Variants in ATP2C1 observed in about 807,000 individuals in gnomAD.
ATP2C1 encodes the protein calcium-transporting ATPase type 2C member 1.
A neutral mutation model predicts 120.5 loss-of-function variants in ATP2C1; 31 were observed. The observed-to-expected ratio is 0.26, with a 90% CI of 0.19 to 0.35. ATP2C1 has a LOEUF of 0.35. ATP2C1 is among the 10% of genes least tolerant of loss of function. The pLI, the probability that ATP2C1 is intolerant of heterozygous loss-of-function variation, is 1.00. For missense variants in ATP2C1, 731 were observed against 1,107.5 expected (o/e 0.66, Z 4.83); for synonymous variants, 351 against 358.7 (o/e 0.98, Z 0.24).
chr3:130,952,760 T>A (rs780728219), intron 8 of ATP2C1, among the ~76,000 whole-genome samples: 31 of 152,198 alleles, frequency 2.0e-4, no homozygotes, highest in Non-Finnish European at 4.1e-4. Flanking sequence ...CTAAGGACCC[T>A]TGAATAAATG....
intron 20 of ATP2C1, among the ~76,000 whole-genome samples, chr3:130,983,679 G>A (rs889400074): frequency 2.0e-5 from 3 of 152,242 alleles, no homozygotes; most frequent in Admixed American, 2.0e-4. Context: ...TCCCCACTCC[G>A]CTTGAATCCT....
intron 1 of ATP2C1, among the ~76,000 whole-genome samples, chr3:130,888,206 G>A (rs2069044708): frequency 6.6e-6 from 1 of 151,768 alleles, no homozygotes. Context: ...TATGCAAGAT[G>A]CAAAACAAAG....
intron 12 of ATP2C1, among the ~76,000 whole-genome samples, chr3:130,962,427 G>T (rs1003147565): frequency 6.6e-6 from 1 of 151,792 alleles, no homozygotes; most frequent in East Asian, 1.9e-4. Context: ...AATATTTTTT[G>T]AAATCTGAAA....
At position 130,941,817 on chromosome 3, in the gene ATP2C1, T is replaced by C. The variant is rs1163604265; in HGVS notation, c.531+118T>C. Reference sequence around the variant, plus strand: ...ATTTGAACCATTTGGTATTCTACTTTAAAATGTGACATATATAAACTTTTT... The same window carrying C: ...ATTTGAACCATTTGGTATTCTACTTCAAAATGTGACATATATAAACTTTTT... On this transcript the variant is annotated intron_variant, in intron 8 of 27. Transcript: ENST00000510168. 3.3e-6 allele frequency: 3 copies of C among 906,212 alleles called. No homozygotes were observed. The African/African-American group carries it at 5.0e-5, about 15-fold the overall frequency. 56.1% of individuals were successfully genotyped at this position (906,212 alleles called of 1,614,324 possible). A position where few individuals can be genotyped will look rare whatever the true frequency, so the allele number is the denominator to read the frequency against.
chr3:130,941,107 G>C (rs1171120115), intron 7 of ATP2C1, among the ~76,000 whole-genome samples: 1 of 151,740 alleles, frequency 6.6e-6, no homozygotes, highest in Non-Finnish European at 1.5e-5. Context: ...AGTAGAGACA[G>C]GTTTCACCAT....
intron 1 of ATP2C1, among the ~76,000 whole-genome samples, chr3:130,872,310 A>G (rs989055209): frequency 1.1e-4 from 17 of 152,074 alleles, no homozygotes; most frequent in Non-Finnish European, 2.1e-4. Flanking sequence ...AATTATAAAG[A>G]CTCTGAATAA....
At chr3:130,850,632 T>C in exon 1 of ATP2C1, 3 of 419,948 alleles carry the variant, frequency 7.1e-6, no homozygotes, top group Non-Finnish European at 1.3e-5. Context: ...TGTTCATACT[T>C]GGCTGTCTGG....
chr3:130,998,231 AAGC>A, intron 25 of ATP2C1, 60 bp from the exon 26 acceptor site: 1 of 1,088,426 alleles, frequency 9.2e-7, no homozygotes, highest in Non-Finnish European at 1.4e-6. Flanking sequence ...ATTTTTTAAA[AAGC>A]AGCGATTTAT....
rs974737925 is a variant in ATP2C1 at position 130,901,307 on chromosome 3, C to T, written c.6+6532C>T. Among the ~76,000 whole-genome samples the T allele has an allele frequency of 3.9e-4, 59 of 152,062 alleles. 1 individual carries two copies. Among genetic ancestry groups the T allele is most frequent in the African/African-American group, 1.4e-3 (56 of 41,410 alleles). ...TGGGGACTGCTCTGAAGTCTGCCAGCCCTCTATCCTAAAAGTTGGTAGATC... is the reference window on the plus strand; with the variant it reads ...TGGGGACTGCTCTGAAGTCTGCCAGTCCTCTATCCTAAAAGTTGGTAGATC... On this transcript the variant is annotated intron_variant, in intron 2 of 27. Coordinates refer to ENST00000510168, the MANE Select transcript of ATP2C1 (RefSeq NM_001378687.1).
intron 16 of ATP2C1, among the ~76,000 whole-genome samples, chr3:130,968,278 A>T (rs1348314806): frequency 6.6e-6 from 1 of 152,230 alleles, no homozygotes; most frequent in African/African-American, 2.4e-5. Context: ...TGTTATGCTT[A>T]TAAAGATATT....
At chr3:131,006,013 G>A (rs949514750), downstream of ATP2C1, among the ~76,000 whole-genome samples, 6 of 152,260 alleles carry the variant, frequency 3.9e-5, no homozygotes, top group Non-Finnish European at 7.4e-5. Flanking sequence ...GGTATGCCAC[G>A]TAAGGAAACC....
chr3:130,927,018 C>T (rs1483941926), intron 2 of ATP2C1, among the ~76,000 whole-genome samples: 2 of 152,176 alleles, frequency 1.3e-5, no homozygotes, highest in Non-Finnish European at 2.9e-5. Context: ...GTCTGCTTGC[C>T]ACATCAGATC....
chr3:130,975,272 T>C, intron 17 of ATP2C1, 60 bp from the exon 18 acceptor site: 3 of 1,557,394 alleles, frequency 1.9e-6, no homozygotes, highest in Non-Finnish European at 2.7e-6. Context: ...AATTTTGGAC[T>C]CCAATGGCAG....
Position 130,955,214 on chromosome 3 carries a change from T to G in ATP2C1, c.756+134T>G. 4.3e-6 allele frequency: 3 copies of G among 703,916 alleles called. No homozygotes were observed. In the South Asian group the frequency reaches 4.9e-5, roughly 11 times the overall value. The allele number at this position is 703,916 out of a possible 1,614,324, so 43.6% of individuals were successfully genotyped here. ...AGAATGGAAATCAGTTGTCTCTGTT[T>G]AGAAACATAATTGGAAAGCCTGTAA... On this transcript the variant is annotated intron_variant, in intron 10 of 27. Transcript: ENST00000510168.
intron 1 of ATP2C1, among the ~76,000 whole-genome samples, chr3:130,861,882 AC>A: frequency 6.6e-6 from 1 of 152,104 alleles, no homozygotes; most frequent in Non-Finnish European, 1.5e-5. Context: ...TAATGAATAC[AC>A]CCTAAATGTT....
At chr3:130,985,108 G>A (rs527727723) in intron 20 of ATP2C1, among the ~76,000 whole-genome samples, 1 of 152,330 alleles carries the variant, frequency 6.6e-6, no homozygotes, top group South Asian at 2.1e-4. Flanking sequence ...TATTGAGGAA[G>A]TTTCAACATT....
chr3:130,903,308 A>T lies in ATP2C1; in HGVS notation c.6+8533A>T, dbSNP rs1177324102. ...CAGAGTACATTTTGTGACAGCAAAT[A>T]AATTATCGGTTAACTTAACCCTATA... On this transcript the variant is annotated intron_variant, in intron 2 of 27. Coordinates refer to ENST00000510168, the MANE Select transcript of ATP2C1 (RefSeq NM_001378687.1). 2.6e-5 allele frequency among the ~76,000 whole-genome samples: 4 copies of T among 152,100 alleles called. No individual in the cohort carries two copies. The South Asian group carries it at 8.3e-4, about 31-fold the overall frequency.
In ATP2C1 at chr3:130,941,710, G is replaced by C; in HGVS notation, c.531+11G>C. 6.3e-7 allele frequency: 1 copy of C among 1,594,302 alleles called. No individual in the cohort carries two copies. Among genetic ancestry groups the C allele is most frequent in the Non-Finnish European group, 8.6e-7 (1 of 1,162,048 alleles). On this transcript the variant is annotated intron_variant, in intron 8 of 27. Coordinates refer to ENST00000510168, the MANE Select transcript of ATP2C1 (RefSeq NM_001378687.1). ...TTACGCTTGTTTGAGGTAAATTTGG[G>C]ATCTGATTGTAATAAGTGAAAATAC...
chr3:130,880,749 G>T (rs2068755936), intron 1 of ATP2C1, among the ~76,000 whole-genome samples: 1 of 152,160 alleles, frequency 6.6e-6, no homozygotes, highest in African/African-American at 2.4e-5. Context: ...CCCATAGTAT[G>T]CTCAGTGGGA....
Sources: gnomAD v4.1 joint callset for allele counts (sites outside exome capture counted in the v4.1 genomes callset) on GRCh38, gnomAD v4.1.1 for gene constraint, MANE v1.5 for transcripts, NCBI Gene and HGNC (gene_info 2026-07-23, HGNC 2026-07-21) for gene names.